Variants in BANK1 observed in about 807,000 individuals in gnomAD.
BANK1 encodes B cell scaffold protein with ankyrin repeats 1.
A neutral mutation model predicts 94.5 loss-of-function variants in BANK1; 95 were observed. The observed-to-expected ratio is 1.00, with a 90% CI of 0.85 to 1.19. BANK1 has a LOEUF of 1.19. BANK1 is among the 50% of genes most tolerant of loss of function. BANK1 has a pLI of 0.00. For synonymous variants in BANK1, 334 were observed against 308.4 expected (o/e 1.08, Z -0.87); for missense variants, 987 against 932.2 (o/e 1.06, Z -0.77).
intron 5 of BANK1, among the ~76,000 whole-genome samples, chr4:101,880,929 G>A (rs1410082380): frequency 3.3e-5 from 5 of 152,026 alleles, no homozygotes; most frequent in Admixed American, 3.3e-4. Context: ...AATCAAAATG[G>A]ATTAGAGACT....
chr4:102,069,559 G>A (rs992056063), intron 13 of BANK1, among the ~76,000 whole-genome samples: 26 of 152,170 alleles, frequency 1.7e-4, no homozygotes, highest in African/African-American at 6.3e-4. Flanking sequence ...AGTCAAATAT[G>A]CACTTACCAT....
chr4:101,966,263 G>C (rs1043181105), intron 7 of BANK1, among the ~76,000 whole-genome samples: 5 of 151,798 alleles, frequency 3.3e-5, no homozygotes, highest in Admixed American at 6.6e-5. Context: ...TTGCAAAATA[G>C]AGGACAAGAT....
intron 1 of BANK1, among the ~76,000 whole-genome samples, chr4:101,794,998 T>C (rs1033854288): frequency 6.6e-6 from 1 of 152,170 alleles, no homozygotes; most frequent in African/African-American, 2.4e-5. Context: ...TTCTACATTA[T>C]AGAGACACAC....
intron 5 of BANK1, among the ~76,000 whole-genome samples, chr4:101,887,331 A>C (rs1012942349): frequency 1.3e-5 from 2 of 152,266 alleles, no homozygotes; most frequent in Admixed American, 6.5e-5. Flanking sequence ...ATTTAATTTA[A>C]GAATTTAAAA....
chr4:101,978,647 A>G (rs1031712451), intron 7 of BANK1, among the ~76,000 whole-genome samples: 4 of 152,066 alleles, frequency 2.6e-5, no homozygotes, highest in African/African-American at 7.2e-5. Context: ...AGGAAAACTT[A>G]GGTATCAGTG....
chr4:102,041,408 C>T (rs1727697719), intron 10 of BANK1, among the ~76,000 whole-genome samples: 1 of 151,960 alleles, frequency 6.6e-6, no homozygotes. Flanking sequence ...TAGGTCTTTT[C>T]CCAAGGTTGC....
intron 2 of BANK1, among the ~76,000 whole-genome samples, chr4:101,830,783 T>C (rs916732126): frequency 6.6e-6 from 1 of 152,196 alleles, no homozygotes; most frequent in African/African-American, 2.4e-5. Flanking sequence ...AGGGGTGCTG[T>C]GGTCAGCTGC....
intron 7 of BANK1, among the ~76,000 whole-genome samples, chr4:101,928,320 G>A (rs986991131): frequency 6.6e-6 from 1 of 151,576 alleles, no homozygotes; most frequent in Non-Finnish European, 1.5e-5. Context: ...CCTGACATGT[G>A]GTTTGGAATC....
intron 6 of BANK1, among the ~76,000 whole-genome samples, chr4:101,898,712 G>GT (rs1333336737): frequency 6.6e-6 from 1 of 151,920 alleles, no homozygotes; most frequent in Non-Finnish European, 1.5e-5. Flanking sequence ...TCAATTTAGA[G>GT]TTATTTTGGT....
intron 7 of BANK1, among the ~76,000 whole-genome samples, chr4:102,000,492 T>C (rs1726025592): frequency 6.6e-6 from 1 of 152,082 alleles, no homozygotes; most frequent in African/African-American, 2.4e-5. Context: ...TTGAAGATAC[T>C]GAGGAAAATG....
chr4:102,045,895 C>G (rs554551875), intron 11 of BANK1, among the ~76,000 whole-genome samples: 1 of 151,834 alleles, frequency 6.6e-6, no homozygotes, highest in East Asian at 1.9e-4. Context: ...TCAATGCCAT[C>G]CCCATCAAGC....
At chr4:101,976,275 G>A (rs1376066086) in intron 7 of BANK1, among the ~76,000 whole-genome samples, 1 of 152,226 alleles carries the variant, frequency 6.6e-6, no homozygotes, top group East Asian at 1.9e-4. Flanking sequence ...AACACAAGAT[G>A]CTGAGAGTAG....
At chr4:101,859,480 T>C (rs1368166124) in intron 3 of BANK1, among the ~76,000 whole-genome samples, 1 of 152,204 alleles carries the variant, frequency 6.6e-6, no homozygotes, top group Admixed American at 6.5e-5. Flanking sequence ...GTGATAATTG[T>C]CATAAACCTT....
chr4:101,829,154 G>C (rs867639037), intron 1 of BANK1, among the ~76,000 whole-genome samples: 1 of 152,064 alleles, frequency 6.6e-6, no homozygotes, highest in Non-Finnish European at 1.5e-5. Context: ...GAGCCACCGC[G>C]CCGGGCAAGA....
intron 7 of BANK1, among the ~76,000 whole-genome samples, chr4:101,996,258 G>A (rs1466410011): frequency 6.6e-6 from 1 of 152,096 alleles, no homozygotes; most frequent in Non-Finnish European, 1.5e-5. Flanking sequence ...TGTTATTTCT[G>A]AGGCCTCTGT....
intron 7 of BANK1, chr4:101,981,961 G>A (rs181732513): frequency 6.6e-6 from 1 of 152,312 alleles, no homozygotes; most frequent in East Asian, 1.9e-4. Context: ...GGTAGGGTGT[G>A]TGTGGGTAGG....
chr4:101,939,472 G>A (rs188800220), intron 7 of BANK1, among the ~76,000 whole-genome samples: 8 of 151,820 alleles, frequency 5.3e-5, no homozygotes, highest in Admixed American at 1.3e-4. Context: ...AAATAACTCA[G>A]AAACTTGGAC....
chr4:102,025,537 A>C (rs1432343871), intron 9 of BANK1, 28 bp downstream of exon 9: 2 of 1,600,726 alleles, frequency 1.2e-6, no homozygotes, highest in African/African-American at 2.7e-5. Context: ...AAAAAACAAA[A>C]CAAAACAAAG....
At chr4:101,991,658 C>G (rs1230087805) in intron 7 of BANK1, among the ~76,000 whole-genome samples, 1 of 152,120 alleles carries the variant, frequency 6.6e-6, no homozygotes, top group Non-Finnish European at 1.5e-5. Context: ...TGCCATAAGG[C>G]CCTGTTAGCC....
Sources: allele counts gnomAD v4.1 joint callset (sites outside exome capture counted in the v4.1 genomes callset), GRCh38; gene constraint gnomAD v4.1.1; transcripts MANE v1.5; gene names NCBI Gene and HGNC (gene_info 2026-07-23, HGNC 2026-07-21).